Variants in TTC39B observed in about 807,000 individuals in gnomAD.
TTC39B encodes the protein tetratricopeptide repeat protein 39B.
Under a neutral mutation model 96.6 loss-of-function variants are expected in TTC39B, and 92 were observed. That is an observed-to-expected ratio of 0.95 (90% CI 0.80 to 1.13). TTC39B has a LOEUF of 1.13. Among genes scored for constraint, TTC39B ranks in the 50% most tolerant of loss-of-function variants. The pLI, the probability that TTC39B is intolerant of heterozygous loss-of-function variation, is 0.00. For synonymous variants in TTC39B, 367 were observed against 299.4 expected (o/e 1.23, Z -2.33); for missense variants, 955 against 809.3 (o/e 1.18, Z -2.18).
chr9:15,176,816 A>C (rs1382111139), intron 18 of TTC39B, among the ~76,000 whole-genome samples: 1 of 152,180 alleles, frequency 6.6e-6, no homozygotes, highest in Non-Finnish European at 1.5e-5. Context: ...GGCCTTATTA[A>C]GTAAGGTTAC....
At chr9:15,302,815 G>C (rs1338456454) in intron 1 of TTC39B, among the ~76,000 whole-genome samples, 2 of 151,652 alleles carry the variant, frequency 1.3e-5, no homozygotes, top group Admixed American at 6.6e-5. Context: ...TTGCACTCCA[G>C]CCTGGATGAC....
intron 2 of TTC39B, among the ~76,000 whole-genome samples, chr9:15,247,070 T>C (rs1296457386): frequency 3.9e-5 from 6 of 152,208 alleles, no homozygotes; most frequent in Admixed American, 3.3e-4. Flanking sequence ...CCAGTTTTGG[T>C]TGTAACCATC....
At chr9:15,205,269 A>C (rs1819780171) in intron 6 of TTC39B, among the ~76,000 whole-genome samples, 2 of 152,308 alleles carry the variant, frequency 1.3e-5, no homozygotes, top group South Asian at 2.1e-4. Context: ...AAAAGCTCAG[A>C]AAGAAGAAAG....
At chr9:15,197,499 A>C (rs905005548) in intron 8 of TTC39B, among the ~76,000 whole-genome samples, 2 of 152,224 alleles carry the variant, frequency 1.3e-5, no homozygotes, top group African/African-American at 4.8e-5. Flanking sequence ...AGCTTATGTC[A>C]GATTAACTTT....
intron 2 of TTC39B, among the ~76,000 whole-genome samples, chr9:15,233,046 G>T (rs529760886): frequency 6.6e-6 from 1 of 152,034 alleles, no homozygotes; most frequent in African/African-American, 2.4e-5. Flanking sequence ...GAAATTTTGC[G>T]ATAGGACAGC....
At chr9:15,243,884 G>C (rs1207197230) in intron 2 of TTC39B, among the ~76,000 whole-genome samples, 1 of 152,198 alleles carries the variant, frequency 6.6e-6, no homozygotes, top group Non-Finnish European at 1.5e-5. Context: ...TGTCGCCCAG[G>C]CTGGAGTCTC....
chr9:15,282,461 G>A (rs1042075657), intron 1 of TTC39B, among the ~76,000 whole-genome samples: 1 of 152,070 alleles, frequency 6.6e-6, no homozygotes. Flanking sequence ...ATCTTAACAT[G>A]GTGCTACTCT....
At position 15,263,602 on chromosome 9, in the gene TTC39B, C is replaced by T. The variant is rs529109036; in HGVS notation, c.275+4312G>A. On this transcript the variant is annotated intron_variant, in intron 2 of 19. Transcript: ENST00000512701. ...CCAACAAGCTCTGCTTCGGAAACAA[C>T]CCCCCTTACAATACCTCTCAGAACG... Among the ~76,000 whole-genome samples, 9 of 152,306 alleles carry T rather than the reference C, an allele frequency of 5.9e-5. No homozygotes were observed. In the South Asian group the frequency reaches 1.2e-3, roughly 21 times the overall value.
At chr9:15,245,544 G>C (rs887620049) in intron 2 of TTC39B, among the ~76,000 whole-genome samples, 1 of 152,068 alleles carries the variant, frequency 6.6e-6, no homozygotes, top group Non-Finnish European at 1.5e-5. Context: ...TTAAGGAGGG[G>C]TGATGGCAAA....
chr9:15,187,198 T>C (rs889513632), intron 14 of TTC39B, among the ~76,000 whole-genome samples, 163 bp from the exon 15 acceptor site: 1 of 152,194 alleles, frequency 6.6e-6, no homozygotes, highest in Admixed American at 6.5e-5. Flanking sequence ...TGACAACAAC[T>C]CTTTTCAATT....
At chr9:15,236,803 C>T (rs1266412995) in intron 2 of TTC39B, among the ~76,000 whole-genome samples, 1 of 152,040 alleles carries the variant, frequency 6.6e-6, no homozygotes, top group African/African-American at 2.4e-5. Flanking sequence ...ATACTAAAAC[C>T]TCTGGTACAC....
At chr9:15,172,844 G>A (rs1033111888) in intron 19 of TTC39B, among the ~76,000 whole-genome samples, 12 of 152,208 alleles carry the variant, frequency 7.9e-5, no homozygotes, top group African/African-American at 2.6e-4. Context: ...AGGTATAAGG[G>A]CTACTCACTG....
At chr9:15,235,525 G>A (rs949686641) in intron 2 of TTC39B, among the ~76,000 whole-genome samples, 1 of 152,066 alleles carries the variant, frequency 6.6e-6, no homozygotes, top group Non-Finnish European at 1.5e-5. Flanking sequence ...GACTATCCAA[G>A]GTCAACACTA....
At chr9:15,166,486 A>G (rs1817518973) in exon 20 of TTC39B, 2 of 152,244 alleles carry the variant, frequency 1.3e-5, no homozygotes, top group African/African-American at 4.8e-5. Flanking sequence ...TTATGAAGTT[A>G]CAAAATGACT....
intron 3 of TTC39B, among the ~76,000 whole-genome samples, chr9:15,218,632 T>TAAAAAAAAAATATATATATATATATATA (rs545882970): frequency 1.9e-5 from 2 of 105,110 alleles, no homozygotes; most frequent in African/African-American, 7.1e-5. Context: ...TTAGTCTATT[T>TAAAAAAAAAATATATATATATATATATA]TAAATATATA....
At chr9:15,229,727 T>C (rs192664085) in intron 2 of TTC39B, among the ~76,000 whole-genome samples, 2 of 152,224 alleles carry the variant, frequency 1.3e-5, no homozygotes, top group Non-Finnish European at 1.5e-5. Flanking sequence ...GGGCATTCTT[T>C]TGTTCCATCA....
chr9:15,285,548 G>C (rs1157801047), intron 1 of TTC39B, among the ~76,000 whole-genome samples: 2 of 152,124 alleles, frequency 1.3e-5, no homozygotes, highest in Non-Finnish European at 2.9e-5. Flanking sequence ...ATTAAGAATT[G>C]TTTTAATTTT....
At chr9:15,186,866 T>A (rs573755523) in intron 15 of TTC39B, 78 bp downstream of exon 15, 134 of 1,338,774 alleles carry the variant, frequency 1.0e-4, no homozygotes, top group Admixed American at 9.5e-4. Flanking sequence ...CAGCTAATTT[T>A]TTGTATTTTC....
At chr9:15,199,506 C>A (rs944793798) in intron 8 of TTC39B, among the ~76,000 whole-genome samples, 5 of 151,786 alleles carry the variant, frequency 3.3e-5, no homozygotes, top group Admixed American at 1.3e-4. Flanking sequence ...GAGGCTGAGG[C>A]GGGCGGATCA....
Sources: allele counts gnomAD v4.1 joint callset (sites outside exome capture counted in the v4.1 genomes callset), GRCh38; gene constraint gnomAD v4.1.1; transcripts MANE v1.5; gene names NCBI Gene and HGNC (gene_info 2026-07-23, HGNC 2026-07-21).